The following BCAR1 variants were observed in gnomAD, a reference collection of about 807,000 sequenced individuals.
BCAR1 encodes the protein breast cancer anti-estrogen resistance protein 1.
Under a neutral mutation model 67.6 loss-of-function variants are expected in BCAR1, and 30 were observed. The ratio of observed to expected loss-of-function variants is 0.44; its 90% CI spans 0.33 to 0.60. BCAR1 has a LOEUF of 0.60. Among genes scored for constraint, BCAR1 ranks in the 20% least tolerant of loss-of-function variants. The pLI is 0.02. For synonymous variants in BCAR1, 626 were observed against 556.7 expected (o/e 1.12, Z -1.75); for missense variants, 1,313 against 1,222.3 (o/e 1.07, Z -1.11).
intron 1 of BCAR1, among the ~76,000 whole-genome samples, chr16:75,257,877 C>A (rs1446720867): frequency 6.6e-6 from 1 of 152,218 alleles, no homozygotes; most frequent in Non-Finnish European, 1.5e-5. Context: ...CAGGCTCAGG[C>A]TCTCGCCCAG....
At position 75,229,100 on chromosome 16, in the gene BCAR1, AAT is replaced by A; in HGVS notation, c.*409_*410del. 5.8e-6 allele frequency: 1 copy of A among 171,648 alleles called. No homozygotes were observed. Among genetic ancestry groups the A allele is most frequent in the East Asian group, 1.6e-4 (1 of 6,136 alleles). The allele number at this position is 171,648 out of a possible 1,614,324, so 10.6% of individuals were successfully genotyped here. On this transcript the variant is annotated 3_prime_UTR_variant, in exon 7 of 7. Transcript: ENST00000162330. ...AATGATTGGAAAACCAATAACGAAA[AAT>A]AGTTCTTCAGGTTCTTCTCCTGGTA...
intron 2 of BCAR1, among the ~76,000 whole-genome samples, chr16:75,240,384 G>A (rs2870471): frequency 0.82 from 124,144 of 152,174 alleles, 50,989 homozygotes; most frequent in East Asian, 1. Context: ...CGTAATGAAG[G>A]CATGAGCAAT....
intron 1 of BCAR1, chr16:75,249,404 T>A (rs1833479984): frequency 6.6e-6 from 1 of 152,242 alleles, no homozygotes; most frequent in African/African-American, 2.4e-5. Context: ...GGGCCTCTCC[T>A]GTGCTCGGAG....
chr16:75,250,525 G>A (rs1469112846), intron 1 of BCAR1: 1 of 600,976 alleles, frequency 1.7e-6, no homozygotes. Context: ...AAGGAAACCA[G>A]GGACTCTCAG....
At chr16:75,263,907 C>G in intron 1 of BCAR1, 1 of 1,060,226 alleles carries the variant, frequency 9.4e-7, no homozygotes, top group Non-Finnish European at 1.1e-6. Context: ...TCCTCTTGGC[C>G]CCACCACCTC....
intron 1 of BCAR1, chr16:75,248,066 A>T (rs1862737): frequency 6.4e-6 from 10 of 1,564,232 alleles, no homozygotes; most frequent in South Asian, 2.2e-5. Context: ...CCATCTTACT[A>T]GACAGGAAAA....
At chr16:75,242,398 C>T (rs1423339993) in intron 2 of BCAR1, 72 bp downstream of exon 2, 3 of 1,332,014 alleles carry the variant, frequency 2.3e-6, no homozygotes, top group Non-Finnish European at 2.9e-6. Flanking sequence ...GGTGGCTGGA[C>T]CCTTCTGTGC....
rs552883554 is a variant in BCAR1 at position 75,243,079 on chromosome 16, G to C, written c.24C>G (p.Ala8=). The C allele has an allele frequency of 1.3e-6, 2 of 1,591,788 alleles. No individual in the cohort carries two copies. Among genetic ancestry groups the C allele is most frequent in the Non-Finnish European group, 1.7e-6 (2 of 1,165,622 alleles). Residue 8 remains alanine (A), a synonymous_variant, in exon 2 of 7, where the codon GCC becomes GCG. Coordinates refer to ENST00000162330, the MANE Select transcript of BCAR1 (RefSeq NM_014567.5). MNHLNVL[A]KALYDNVAES... ...CGGCCACATTGTCATAGAGCGCTTT[G>C]GCCAGCACGTTCTGGGGAGAGAGGA...
chr16:75,263,082 C>G (rs2077940319), intron 1 of BCAR1, among the ~76,000 whole-genome samples: 1 of 152,124 alleles, frequency 6.6e-6, no homozygotes, highest in African/African-American at 2.4e-5. Context: ...CCTGTGAGGT[C>G]CTGAGCCCAG....
intron 2 of BCAR1, among the ~76,000 whole-genome samples, 154 bp downstream of exon 2, chr16:75,242,316 C>A (rs1296624180): frequency 7.2e-5 from 11 of 152,228 alleles, no homozygotes; most frequent in Admixed American, 7.2e-4. Context: ...AAATGAACAC[C>A]CCCCAAACAC....
chr16:75,265,710 G>T, intron 1 of BCAR1: 1 of 1,151,408 alleles, frequency 8.7e-7, no homozygotes, highest in Non-Finnish European at 1.1e-6. Context: ...GGAGGCCCCA[G>T]TGAGGCGACC....
In BCAR1 at chr16:75,229,814, G is replaced by A. The variant is rs951106617; in HGVS notation, c.2310C>T (p.Ala770=). The A allele has an allele frequency of 6.2e-7, 1 of 1,613,524 alleles. No individual in the cohort carries two copies. The change falls in exon 7 of 7, where the codon GCC becomes GCT. Residue 770 remains alanine, a synonymous_variant. Transcript: ENST00000162330. ...NAVDAFFTAV[A]TNQPPKIFVA... ...CAAAGATCTTGGGCGGCTGGTTGGT[G>A]GCCACGGCGGTAAAGAAGGCGTCCA...
intron 1 of BCAR1, among the ~76,000 whole-genome samples, chr16:75,258,235 C>T (rs2077825063): frequency 6.6e-6 from 1 of 152,218 alleles, no homozygotes; most frequent in African/African-American, 2.4e-5. Context: ...GACACCGCTC[C>T]TCAGATGCCC....
chr16:75,252,381 T>TG (rs1160162442), upstream of BCAR1: 4 of 1,512,858 alleles, frequency 2.6e-6, no homozygotes, highest in African/African-American at 5.5e-5. Context: ...TTCAGCGACA[T>TG]GGGGTAGGAG....
intron 1 of BCAR1, among the ~76,000 whole-genome samples, chr16:75,260,084 T>C (rs1331453446): frequency 1.3e-5 from 2 of 151,154 alleles, no homozygotes; most frequent in Admixed American, 6.6e-5. Context: ...ATCCCAGCTG[T>C]TTGGGAGACT....
chr16:75,235,891 G>C lies in BCAR1; in HGVS notation c.1008C>G (p.Ala336=), dbSNP rs775988878. 6.4e-7 allele frequency: 1 copy of C among 1,563,566 alleles called. No individual in the cohort carries two copies. The highest frequency in any genetic ancestry group is 1.4e-5 in the African/African-American group (1 of 73,996). The change falls in exon 5 of 7, where the codon GCC becomes GCG. Residue 336 remains alanine (A), a synonymous_variant. Coordinates refer to ENST00000162330, the MANE Select transcript of BCAR1 (RefSeq NM_014567.5). ...GGGTGCGGGCCGGGTCAAAGGGCTT[G>C]GCCTTGGCGAAGGCGGGGGGCACAT... ...TYDVPPAFAK[A]KPFDPARTPL...
chr16:75,264,724 A>G (rs2077968046), intron 1 of BCAR1: 1 of 1,125,240 alleles, frequency 8.9e-7, no homozygotes, highest in Admixed American at 4.2e-5. Flanking sequence ...ATAGTTAATG[A>G]AGAGGCCACT....
intron 4 of BCAR1, 121 bp from the exon 5 acceptor site, chr16:75,236,107 C>A: frequency 1.6e-6 from 2 of 1,251,908 alleles, no homozygotes; most frequent in Admixed American, 2.6e-5. Context: ...CACACAGAGG[C>A]ACGCGCACAC....
At chr16:75,250,480 C>A (rs933325869) in intron 1 of BCAR1, among the ~76,000 whole-genome samples, 1 of 152,182 alleles carries the variant, frequency 6.6e-6, no homozygotes, top group Non-Finnish European at 1.5e-5. Context: ...GAGAAGGTGA[C>A]CAAAGCTGCG....
Sources: gnomAD v4.1 joint callset for allele counts (sites outside exome capture counted in the v4.1 genomes callset) on GRCh38, gnomAD v4.1.1 for gene constraint, MANE v1.5 for transcripts, NCBI Gene and HGNC (gene_info 2026-07-23, HGNC 2026-07-21) for gene names.